C10orf67: variants seen among roughly 807,000 people sequenced by gnomAD.
C10orf67 encodes uncharacterized protein C10orf67, mitochondrial.
C10orf67 carries 60 observed loss-of-function variants against 35.6 expected under a neutral mutation model. That is an observed-to-expected ratio of 1.68 (90% CI 1.37 to 2.09). The LOEUF (loss-of-function observed/expected upper bound fraction) is 2.09. C10orf67 is among the 30% of genes most tolerant of loss of function. C10orf67 has a pLI of 0.00. For missense variants in C10orf67, 474 were observed against 330.2 expected (o/e 1.44, Z -3.38); for synonymous variants, 167 against 115.8 (o/e 1.44, Z -2.84).
intron 13 of C10orf67, among the ~76,000 whole-genome samples, chr10:23,238,184 G>A (rs185356737): frequency 2.6e-5 from 4 of 152,278 alleles, no homozygotes; most frequent in Admixed American, 6.5e-5. Context: ...TGCTTGGTAC[G>A]TATGTGTACT....
At chr10:23,272,088 T>C (rs979394463) in intron 8 of C10orf67, among the ~76,000 whole-genome samples, 1 of 152,162 alleles carries the variant, frequency 6.6e-6, no homozygotes, top group South Asian at 2.1e-4. Context: ...ACCTAATTTT[T>C]CTATTTTTTA....
At chr10:23,250,177 A>G (rs1001087325) in intron 12 of C10orf67, among the ~76,000 whole-genome samples, 3 of 152,178 alleles carry the variant, frequency 2.0e-5, no homozygotes, top group African/African-American at 7.2e-5. Context: ...AAAGAAGATG[A>G]CTAAATAGGT....
At chr10:23,222,136 A>G (rs1841599904) in intron 15 of C10orf67, among the ~76,000 whole-genome samples, 1 of 152,208 alleles carries the variant, frequency 6.6e-6, no homozygotes, top group Non-Finnish European at 1.5e-5. Context: ...GAGGATTTTC[A>G]GTAGACAGAG....
intron 12 of C10orf67, among the ~76,000 whole-genome samples, chr10:23,246,146 C>T (rs530450705): frequency 5.9e-5 from 9 of 152,210 alleles, no homozygotes; most frequent in Non-Finnish European, 1.2e-4. Context: ...GGGAGCAAAA[C>T]ATTGAGGACA....
chr10:23,290,135 A>G (rs539949460), intron 6 of C10orf67, among the ~76,000 whole-genome samples, 177 bp from the exon 7 acceptor site: 11 of 152,324 alleles, frequency 7.2e-5, no homozygotes, highest in South Asian at 4.1e-4. Context: ...CCTGCTGTTC[A>G]GATGGCCGGT....
chr10:23,303,340 T>C lies in C10orf67; in HGVS notation c.666A>G (p.Glu222=). The C allele has an allele frequency of 1.6e-6, 1 of 621,056 alleles. No homozygotes were observed. Among genetic ancestry groups the C allele is most frequent in the Non-Finnish European group, 2.9e-6 (1 of 345,860 alleles). 38.5% of individuals were successfully genotyped at this position (621,056 alleles called of 1,614,324 possible). The part of the protein sequence containing the change: ...KEEVIKELKE[E]LDQYKDFGFH... ...ATCCAAAATCTTTATATTGGTCTAG[T>C]TCTTCTTTTAATTCTTTAATAACTT... Residue 222 remains glutamate, a synonymous_variant, in exon 5 of 16, where the codon GAA becomes GAG. Coordinates refer to ENST00000636213, the MANE Select transcript of C10orf67 (RefSeq NM_001371909.1).
chr10:23,296,751 A>G (rs1033945371), intron 5 of C10orf67, among the ~76,000 whole-genome samples: 2 of 151,950 alleles, frequency 1.3e-5, no homozygotes, highest in African/African-American at 4.9e-5. Flanking sequence ...CATTTGAAGA[A>G]TGATTTGTAG....
Position 23,250,827 on chromosome 10 carries a change from G to A in C10orf67, c.1201-136C>T, listed in dbSNP as rs552681238. On this transcript the variant is annotated intron_variant, in intron 10 of 15. Coordinates refer to ENST00000636213, the MANE Select transcript of C10orf67 (RefSeq NM_001371909.1). ...CAAACATAATTTGAGGCGGGGCACG[G>A]TGACTCACGCCTGTAATCCCAACAT... The A allele has an allele frequency of 3.6e-5, 14 of 392,496 alleles. No individual in the cohort carries two copies. The South Asian group carries it at 1.3e-3, about 36-fold the overall frequency. The allele number at this position is 392,496 out of a possible 1,614,324, so 24.3% of individuals were successfully genotyped here. A position where few individuals can be genotyped will look rare whatever the true frequency, so the allele number is the denominator to read the frequency against.
At chr10:23,217,997 C>T (rs966606200) in intron 15 of C10orf67, among the ~76,000 whole-genome samples, 17 of 152,158 alleles carry the variant, frequency 1.1e-4, no homozygotes, top group Admixed American at 1.0e-3. Context: ...CCAATCTGAC[C>T]TACGGACAGA....
At chr10:23,324,830 T>A (rs1482694893) in intron 2 of C10orf67, among the ~76,000 whole-genome samples, 1 of 152,198 alleles carries the variant, frequency 6.6e-6, no homozygotes, top group Non-Finnish European at 1.5e-5. Flanking sequence ...CCTTGCAAAA[T>A]CTGCAAATGG....
intron 15 of C10orf67, among the ~76,000 whole-genome samples, chr10:23,204,781 C>G (rs192809544): frequency 2.6e-5 from 4 of 152,302 alleles, no homozygotes; most frequent in Admixed American, 2.6e-4. Context: ...GTCCCCACCC[C>G]CTAACCTCAA....
chr10:23,279,097 A>C (rs1403205339), intron 8 of C10orf67, among the ~76,000 whole-genome samples: 1 of 152,172 alleles, frequency 6.6e-6, no homozygotes, highest in East Asian at 1.9e-4. Flanking sequence ...ATATTTTATA[A>C]ATGTTATTTT....
At chr10:23,318,470 C>A in intron 4 of C10orf67, 1 of 163,468 alleles carries the variant, frequency 6.1e-6, no homozygotes, top group Admixed American at 6.2e-5. Context: ...GATGAACTTG[C>A]AAGACTTCTT....
chr10:23,329,758 A>C (rs1198005392), intron 2 of C10orf67, among the ~76,000 whole-genome samples: 1 of 135,858 alleles, frequency 7.4e-6, no homozygotes, highest in Non-Finnish European at 1.5e-5. Flanking sequence ...TATGATTGTC[A>C]CTGCACTCCA....
intron 10 of C10orf67, among the ~76,000 whole-genome samples, chr10:23,263,634 A>G (rs538877464): frequency 6.6e-6 from 1 of 152,138 alleles, no homozygotes; most frequent in Non-Finnish European, 1.5e-5. Flanking sequence ...CTGCAGATCA[A>G]AGCATGCACC....
At chr10:23,258,437 G>T in intron 10 of C10orf67, 3 of 169,766 alleles carry the variant, frequency 1.8e-5, no homozygotes, top group South Asian at 3.4e-4. Context: ...GCAAAGTGGG[G>T]ACAGACTAGG....
chr10:23,276,375 G>A (rs912249390), intron 8 of C10orf67, among the ~76,000 whole-genome samples: 1 of 152,132 alleles, frequency 6.6e-6, no homozygotes, highest in Admixed American at 6.5e-5. Context: ...AGAAGTCATT[G>A]ATGCCACCTC....
chr10:23,216,746 A>G (rs1009618171), intron 15 of C10orf67, among the ~76,000 whole-genome samples: 5 of 152,194 alleles, frequency 3.3e-5, no homozygotes, highest in African/African-American at 1.2e-4. Context: ...CATCATGGAT[A>G]TAATGCTTGA....
intron 8 of C10orf67, among the ~76,000 whole-genome samples, chr10:23,276,718 G>A (rs1843199293): frequency 6.6e-6 from 1 of 152,234 alleles, no homozygotes; most frequent in South Asian, 2.1e-4. Context: ...CACAACACTA[G>A]ATATTGCCCA....
Sources: gnomAD v4.1 joint callset for allele counts (sites outside exome capture counted in the v4.1 genomes callset) on GRCh38, gnomAD v4.1.1 for gene constraint, MANE v1.5 for transcripts, NCBI Gene and HGNC (gene_info 2026-07-23, HGNC 2026-07-21) for gene names.